The following PTPRR variants were observed in gnomAD, a reference collection of about 807,000 sequenced individuals.
PTPRR encodes the protein receptor-type tyrosine-protein phosphatase R.
PTPRR carries 38 observed loss-of-function variants against 77.2 expected under a neutral mutation model. The ratio of observed to expected loss-of-function variants is 0.49; its 90% CI spans 0.38 to 0.65. The LOEUF (loss-of-function observed/expected upper bound fraction) is 0.65, where lower values mean the gene tolerates loss of function less well. Ranked by LOEUF, PTPRR falls within the 30% of genes least tolerant of loss-of-function variation. The pLI is 0.00. For missense variants in PTPRR, 744 were observed against 799.2 expected (o/e 0.93, Z 0.83); for synonymous variants, 299 against 283.1 (o/e 1.06, Z -0.57).
At chr12:70,742,005 G>A (rs929632859) in intron 6 of PTPRR, among the ~76,000 whole-genome samples, 1 of 152,192 alleles carries the variant, frequency 6.6e-6, no homozygotes, top group Non-Finnish European at 1.5e-5. Context: ...AAGAGAGAGA[G>A]AAAAGGAGAA....
chr12:70,892,119 A>G (rs892237750), intron 2 of PTPRR, among the ~76,000 whole-genome samples: 18 of 152,056 alleles, frequency 1.2e-4, no homozygotes, highest in Non-Finnish European at 2.5e-4. Flanking sequence ...TATCACTTTT[A>G]TTAATAAAGA....
rs774804790 is a variant in PTPRR, at chr12:70,754,704, C to T, written c.628-403G>A. 3 of 1,593,886 alleles carry T rather than the reference C, an allele frequency of 1.9e-6. No homozygotes were observed. In the East Asian group the frequency reaches 6.7e-5, roughly 36 times the overall value. ...GCACCCTGGATTACGTGCTGTACTA[C>T]CTCTTTACTTTTAAACAAAAGTGAA... On this transcript the variant is annotated intron_variant, in intron 4 of 13. Coordinates refer to ENST00000283228, the MANE Select transcript of PTPRR (RefSeq NM_002849.4).
chr12:70,782,022 T>C (rs1891213216), intron 2 of PTPRR, among the ~76,000 whole-genome samples: 1 of 152,162 alleles, frequency 6.6e-6, no homozygotes, highest in South Asian at 2.1e-4. Flanking sequence ...ATAAGCTAAT[T>C]AAAACAATTA....
At chr12:70,784,159 C>T (rs1254534484) in intron 2 of PTPRR, among the ~76,000 whole-genome samples, 3 of 152,190 alleles carry the variant, frequency 2.0e-5, no homozygotes, top group Non-Finnish European at 4.4e-5. Flanking sequence ...ACTTGGGCAG[C>T]TGCAGCCTGG....
intron 10 of PTPRR, among the ~76,000 whole-genome samples, chr12:70,668,355 G>C (rs1887090708): frequency 1.3e-5 from 2 of 152,122 alleles, no homozygotes; most frequent in South Asian, 4.1e-4. Context: ...CTGTGCCTCA[G>C]TGTTCTCATT....
At chr12:70,754,761 A>G in intron 4 of PTPRR, 1 of 1,539,778 alleles carries the variant, frequency 6.5e-7, no homozygotes, top group Non-Finnish European at 8.7e-7. Context: ...TGGTGCATTA[A>G]TAAATACAGC....
At chr12:70,829,231 G>A (rs1892168786) in intron 2 of PTPRR, among the ~76,000 whole-genome samples, 1 of 147,310 alleles carries the variant, frequency 6.8e-6, no homozygotes, top group South Asian at 2.1e-4. Context: ...AAGGAAAGAG[G>A]AAGGAAGGAA....
chr12:70,690,754 G>T (rs1888027415), intron 8 of PTPRR, among the ~76,000 whole-genome samples: 1 of 152,196 alleles, frequency 6.6e-6, no homozygotes, highest in Non-Finnish European at 1.5e-5. Context: ...TAGCAACATT[G>T]TCTTAAATTC....
intron 1 of PTPRR, among the ~76,000 whole-genome samples, chr12:70,903,265 A>T (rs1049590903): frequency 2.6e-5 from 4 of 151,880 alleles, no homozygotes; most frequent in African/African-American, 9.7e-5. Flanking sequence ...GTCTCACCAC[A>T]AAAATGCTAA....
intron 2 of PTPRR, among the ~76,000 whole-genome samples, chr12:70,828,818 G>A (rs1003213194): frequency 1.8e-4 from 27 of 152,150 alleles, no homozygotes; most frequent in African/African-American, 7.2e-5. Context: ...TGATAGTGTC[G>A]TGTGACTAAA....
rs1375376897 is a variant in PTPRR, at chr12:70,843,057, A to C, written c.357+49622T>G. On this transcript the variant is annotated intron_variant, in intron 2 of 13. Transcript: ENST00000283228. ...CAGGAGTTGAAATAAATCACCCACAAAATGAAAAAACAAAGACATACTTGT... is the reference window on the plus strand; with the variant it reads ...CAGGAGTTGAAATAAATCACCCACACAATGAAAAAACAAAGACATACTTGT... 2.0e-5 allele frequency among the ~76,000 whole-genome samples: 3 copies of C among 152,166 alleles called. No homozygotes were observed. The East Asian group carries it at 5.8e-4, about 29-fold the overall frequency.
intron 2 of PTPRR, among the ~76,000 whole-genome samples, chr12:70,876,430 A>G (rs1893053267): frequency 6.6e-6 from 1 of 152,180 alleles, no homozygotes; most frequent in African/African-American, 2.4e-5. Flanking sequence ...TAGTTTCAGA[A>G]AGTAGTGTAT....
intron 6 of PTPRR, among the ~76,000 whole-genome samples, chr12:70,734,338 G>A (rs1057169153): frequency 6.6e-6 from 1 of 152,146 alleles, no homozygotes; most frequent in African/African-American, 2.4e-5. Context: ...CTTCTTTAGG[G>A]TCAAGACAAA....
intron 10 of PTPRR, among the ~76,000 whole-genome samples, chr12:70,677,779 T>C (rs958956252): frequency 6.6e-6 from 1 of 152,230 alleles, no homozygotes; most frequent in South Asian, 2.1e-4. Context: ...CGGATGATGT[T>C]TTTAATGTGC....
chr12:70,791,464 A>G (rs1891420592), intron 2 of PTPRR, among the ~76,000 whole-genome samples: 1 of 152,122 alleles, frequency 6.6e-6, no homozygotes, highest in African/African-American at 2.4e-5. Context: ...GTTTCCTGTC[A>G]CCGTCTGCCT....
intron 1 of PTPRR, among the ~76,000 whole-genome samples, chr12:70,900,281 T>C (rs1397011325): frequency 6.6e-6 from 1 of 151,528 alleles, no homozygotes; most frequent in African/African-American, 2.4e-5. Context: ...GGTAGTGTAG[T>C]GTTGGCAAAG....
intron 2 of PTPRR, among the ~76,000 whole-genome samples, chr12:70,837,722 C>T (rs776322271): frequency 2.6e-5 from 4 of 152,030 alleles, no homozygotes; most frequent in Non-Finnish European, 5.9e-5. Context: ...TTCATGGAGG[C>T]TTCATTACAA....
chr12:70,764,872 A>T, intron 2 of PTPRR, 94 bp from the exon 3 acceptor site: 1 of 927,956 alleles, frequency 1.1e-6, no homozygotes. Flanking sequence ...AGTTCACGAC[A>T]TTCAGTTCTT....
chr12:70,811,538 A>C (rs1891808853), intron 2 of PTPRR, among the ~76,000 whole-genome samples: 1 of 152,238 alleles, frequency 6.6e-6, no homozygotes, highest in African/African-American at 2.4e-5. Context: ...CCTCCATGCA[A>C]AACACAGCAG....
Sources: gnomAD v4.1 joint callset for allele counts (sites outside exome capture counted in the v4.1 genomes callset) on GRCh38, gnomAD v4.1.1 for gene constraint, MANE v1.5 for transcripts, NCBI Gene and HGNC (gene_info 2026-07-23, HGNC 2026-07-21) for gene names.